The following SHISA9 variants were observed in gnomAD, a reference collection of about 807,000 sequenced individuals.
SHISA9 encodes the protein shisa family member 9, also known as protein shisa-9.
Under a neutral mutation model 38.0 loss-of-function variants are expected in SHISA9, and 13 were observed. The ratio of observed to expected loss-of-function variants is 0.34; its 90% confidence interval spans 0.22 to 0.54. The LOEUF (loss-of-function observed/expected upper bound fraction) is 0.54, where lower values mean the gene tolerates loss of function less well. Ranked by LOEUF, SHISA9 falls within the 20% of genes least tolerant of loss-of-function variation. SHISA9 has a pLI of 0.91. For missense variants in SHISA9, 538 were observed against 575.8 expected, an observed-to-expected ratio of 0.93 and a Z score of 0.67; for synonymous variants, 275 against 242.0, an observed-to-expected ratio of 1.14 and a Z score of -1.27.
chr16:13,512,717 C>A, the SHISA9 span, among the ~76,000 whole-genome samples: 1 of 152,092 alleles, frequency 6.6e-6, no homozygotes, highest in African/African-American at 2.4e-5. Context: ...CATCTACAAC[C>A]ATCTGATCTT....
the SHISA9 span, among the ~76,000 whole-genome samples, chr16:13,465,550 C>A: frequency 6.6e-6 from 1 of 152,218 alleles, no homozygotes; most frequent in African/African-American, 2.4e-5. Context: ...AGTTGAACTG[C>A]AATATAGAAC....
chr16:13,187,328 C>CTT lies in SHISA9; in HGVS notation c.692-16043_692-16042dup, dbSNP rs372286181. ...GAGAAGGCTTCTTTTCTTTTCTTTT[C>CTT]TTTTTTTTTTTTTTTTTTTTTTTTG... On this transcript the variant is annotated intron_variant, in intron 2 of 4. Coordinates refer to ENST00000558583, the MANE Select transcript of SHISA9 (RefSeq NM_001145204.3). Among the ~76,000 whole-genome samples, 411 of 90,634 alleles carry CTT rather than the reference C, an allele frequency of 4.5e-3. 3 individuals carry two copies. The highest frequency in any genetic ancestry group is 0.015 in the East Asian group (34 of 2,284). The allele number at this position is 90,634 out of a possible 152,430, so 59.5% of individuals were successfully genotyped here. A position where few individuals can be genotyped will look rare whatever the true frequency, so the allele number is the denominator to read the frequency against.
chr16:13,401,681 C>A, the SHISA9 span, among the ~76,000 whole-genome samples: 1 of 152,172 alleles, frequency 6.6e-6, no homozygotes, highest in Admixed American at 6.5e-5. Flanking sequence ...GGAAGAGGGA[C>A]CTTACCAGTG....
At position 13,000,375 on chromosome 16, in the gene SHISA9, G is replaced by T. The variant is rs1026364371; in HGVS notation, c.691+83560G>T. On this transcript the variant is annotated intron_variant, in intron 2 of 4. Coordinates refer to ENST00000558583, the MANE Select transcript of SHISA9 (RefSeq NM_001145204.3). The stretch of plus-strand genomic sequence containing the variant: ...AGTAGGGAAGGGGAGACTAAACAAC[G>T]ACGTGGTTTTAGGTGGAGACTAGCC... Among the ~76,000 whole-genome samples the T allele has an allele frequency of 1.3e-5, 2 of 152,154 alleles. 1 individual carries two copies. Among genetic ancestry groups the T allele is most frequent in the Non-Finnish European group, 2.9e-5 (2 of 68,030 alleles).
At chr16:12,939,565 T>G (rs2071581731) in intron 2 of SHISA9, among the ~76,000 whole-genome samples, 1 of 152,154 alleles carries the variant, frequency 6.6e-6, no homozygotes, top group African/African-American at 2.4e-5. Context: ...ATGATTTAAG[T>G]CAACCCCATG....
At chr16:13,483,858 C>T in the SHISA9 span, among the ~76,000 whole-genome samples, 1 of 152,178 alleles carries the variant, frequency 6.6e-6, no homozygotes, top group Admixed American at 6.5e-5. Context: ...CCTCACCCTA[C>T]ACATCTCTTC....
At chr16:12,919,783 T>G (rs1440748978) in intron 2 of SHISA9, among the ~76,000 whole-genome samples, 2 of 152,256 alleles carry the variant, frequency 1.3e-5, no homozygotes, top group Admixed American at 1.3e-4. Context: ...CTGTTCATGT[T>G]CTTTCCAGGC....
the SHISA9 span, among the ~76,000 whole-genome samples, chr16:13,302,129 C>A: frequency 6.6e-6 from 1 of 152,010 alleles, no homozygotes; most frequent in Non-Finnish European, 1.5e-5. Flanking sequence ...GGACATAGAT[C>A]CTTGTTTCTC....
the SHISA9 span, among the ~76,000 whole-genome samples, chr16:13,306,533 ACTG>A: frequency 6.6e-6 from 1 of 152,210 alleles, no homozygotes; most frequent in Admixed American, 6.5e-5. Flanking sequence ...GAATGGCTTA[ACTG>A]CTCAGGATCT....
chr16:13,068,265 G>A (rs1196212187), intron 2 of SHISA9, among the ~76,000 whole-genome samples: 1 of 152,156 alleles, frequency 6.6e-6, no homozygotes, highest in Non-Finnish European at 1.5e-5. Flanking sequence ...ACCTGCCCAG[G>A]CCTCCGTTTC....
chr16:13,538,004 T>C, the SHISA9 span, among the ~76,000 whole-genome samples: 2 of 152,224 alleles, frequency 1.3e-5, no homozygotes, highest in African/African-American at 4.8e-5. Flanking sequence ...AATAAGTATA[T>C]TTTGTTTTAA....
At chr16:13,407,033 A>AT in the SHISA9 span, among the ~76,000 whole-genome samples, 1 of 137,034 alleles carries the variant, frequency 7.3e-6, no homozygotes, top group East Asian at 2.4e-4. Flanking sequence ...GTGCCATTGC[A>AT]TGCCAGCCTG....
intron 1 of SHISA9, among the ~76,000 whole-genome samples, chr16:12,906,498 C>G (rs1474955645): frequency 6.6e-6 from 1 of 152,082 alleles, no homozygotes; most frequent in Non-Finnish European, 1.5e-5. Flanking sequence ...AAGAACCGAA[C>G]AAATGCCCAT....
At chr16:13,067,536 A>G (rs1168353181) in intron 2 of SHISA9, among the ~76,000 whole-genome samples, 1 of 152,246 alleles carries the variant, frequency 6.6e-6, no homozygotes, top group Non-Finnish European at 1.5e-5. Context: ...TCTATGTGGC[A>G]TGTAATTTCT....
At chr16:12,977,285 A>T (rs1280278219) in intron 2 of SHISA9, among the ~76,000 whole-genome samples, 1 of 152,066 alleles carries the variant, frequency 6.6e-6, no homozygotes, top group Non-Finnish European at 1.5e-5. Context: ...TGATAGGGGG[A>T]AGAAGTGGTG....
rs1337789805 is a variant in SHISA9, at chr16:13,235,429, C to T, written c.*20C>T. ...GTCTGAGCTTTCACCACAGGGAGCA[C>T]CCTGGAGACCACACTCAACTGAGAG... On this transcript the variant is annotated 3_prime_UTR_variant, in exon 5 of 5. Coordinates refer to ENST00000558583, the MANE Select transcript of SHISA9 (RefSeq NM_001145204.3). 7 of 1,522,292 alleles carry T rather than the reference C, an allele frequency of 4.6e-6. No homozygotes were observed. Among genetic ancestry groups the T allele is most frequent in the East Asian group, 2.5e-5 (1 of 40,716 alleles). The allele number at this position is 1,522,292 out of a possible 1,614,324, so 94.3% of individuals were successfully genotyped here.
At chr16:13,328,591 T>TATACACACACAC in the SHISA9 span, among the ~76,000 whole-genome samples, 1 of 139,874 alleles carries the variant, frequency 7.1e-6, no homozygotes, top group African/African-American at 2.7e-5. Context: ...TATATGTGTA[T>TATACACACACAC]ACACACACAC....
chr16:13,472,186 T>G, the SHISA9 span, among the ~76,000 whole-genome samples: 1 of 152,120 alleles, frequency 6.6e-6, no homozygotes, highest in South Asian at 2.1e-4. Context: ...TGAAGCAATG[T>G]CACCCACCCT....
At chr16:12,913,060 T>TAAAAA (rs57070970) in intron 1 of SHISA9, among the ~76,000 whole-genome samples, 1 of 151,186 alleles carries the variant, frequency 6.6e-6, no homozygotes, top group African/African-American at 2.4e-5. Context: ...ATTTGTAACT[T>TAAAAA]AAAAAAAAAG....
Sources: gnomAD v4.1 joint callset for allele counts (sites outside exome capture counted in the v4.1 genomes callset) on GRCh38, gnomAD v4.1.1 for gene constraint, MANE v1.5 for transcripts, NCBI Gene and HGNC (gene_info 2026-07-23, HGNC 2026-07-21) for gene names.